The following GPR176 variants were observed in gnomAD, a reference collection of about 807,000 sequenced individuals.
GPR176 encodes G protein-coupled receptor 176.
A neutral mutation model predicts 35.4 loss-of-function variants in GPR176; 26 were observed. The ratio of observed to expected loss-of-function variants is 0.74; its 90% CI spans 0.54 to 1.02. The LOEUF (loss-of-function observed/expected upper bound fraction) is 1.02. Ranked by LOEUF, GPR176 falls within the 50% of genes least tolerant of loss-of-function variation. The probability of loss-of-function intolerance (pLI) is 0.00; values close to 1 mark genes in which losing one functional copy is unlikely to be tolerated. For missense variants in GPR176, 597 were observed against 665.3 expected (o/e 0.90, Z 1.13); for synonymous variants, 278 against 271.3 (o/e 1.02, Z -0.24).
At chr15:39,804,321 T>A (rs1052179745) in intron 2 of GPR176, among the ~76,000 whole-genome samples, 1 of 152,220 alleles carries the variant, frequency 6.6e-6, no homozygotes, top group African/African-American at 2.4e-5. Flanking sequence ...GAGAAAAGAC[T>A]GTCTTCTCTT....
intron 1 of GPR176, among the ~76,000 whole-genome samples, chr15:39,844,003 A>C (rs1368234562): frequency 6.6e-6 from 1 of 152,178 alleles, no homozygotes; most frequent in Non-Finnish European, 1.5e-5. Flanking sequence ...GGCTTTATAA[A>C]GTGTCAAGAG....
chr15:39,845,770 G>A (rs1181201700), intron 1 of GPR176, among the ~76,000 whole-genome samples: 1 of 152,158 alleles, frequency 6.6e-6, no homozygotes, highest in Non-Finnish European at 1.5e-5. Flanking sequence ...GCATAAACGA[G>A]CTTGGTGTTC....
At chr15:39,916,656 A>AG (rs1185330550) in intron 1 of GPR176, among the ~76,000 whole-genome samples, 1 of 152,262 alleles carries the variant, frequency 6.6e-6, no homozygotes, top group East Asian at 1.9e-4. Flanking sequence ...TTGTTTCAAG[A>AG]GAAAAAAATA....
chr15:39,875,986 A>AAT (rs1389533719), intron 1 of GPR176, among the ~76,000 whole-genome samples: 4 of 149,302 alleles, frequency 2.7e-5, no homozygotes, highest in Admixed American at 6.7e-5. Flanking sequence ...ATTTAATTTA[A>AAT]ATATATATAT....
chr15:39,839,923 C>T (rs1244232835), intron 1 of GPR176, among the ~76,000 whole-genome samples: 1 of 152,134 alleles, frequency 6.6e-6, no homozygotes, highest in African/African-American at 2.4e-5. Flanking sequence ...AAATCAAAAC[C>T]ACAATGAGAT....
chr15:39,920,105 G>T lies in GPR176; in HGVS notation c.-79C>A. On this transcript the variant is annotated 5_prime_UTR_variant, in exon 1 of 3. Coordinates refer to ENST00000561100, the MANE Select transcript of GPR176 (RefSeq NM_007223.3). ...AGCCTCTCCTCCTCCGGGTGAGGAG[G>T]GACGCGCGGGCGCCTGGCGGAGTCC... is the stretch of plus-strand genomic sequence containing the variant. 1.0e-6 allele frequency: 1 copy of T among 1,002,462 alleles called. No individual in the cohort carries two copies. Among genetic ancestry groups the T allele is most frequent in the Non-Finnish European group, 1.3e-6 (1 of 765,324 alleles). 62.1% of individuals were successfully genotyped at this position (1,002,462 alleles called of 1,614,324 possible).
chr15:39,826,514 T>C (rs1900663393), intron 1 of GPR176, among the ~76,000 whole-genome samples: 1 of 151,984 alleles, frequency 6.6e-6, no homozygotes, highest in Admixed American at 6.5e-5. Flanking sequence ...GGCTCCTGCA[T>C]GTTGTGCAGT....
chr15:39,807,509 A>G (rs1246349061), intron 1 of GPR176: 5 of 1,431,662 alleles, frequency 3.5e-6, no homozygotes, highest in Non-Finnish European at 4.6e-6. Context: ...TTTTGGGCAA[A>G]ATAGTATTAT....
At chr15:39,859,261 T>A (rs892697071) in intron 1 of GPR176, among the ~76,000 whole-genome samples, 1 of 152,080 alleles carries the variant, frequency 6.6e-6, no homozygotes, top group African/African-American at 2.4e-5. Flanking sequence ...GTAACATGTA[T>A]GTATATATGT....
At chr15:39,829,301 G>GT (rs917290046) in intron 1 of GPR176, 2 of 1,393,934 alleles carry the variant, frequency 1.4e-6, no homozygotes, top group South Asian at 1.5e-5. Context: ...CTTGGTGAGA[G>GT]TAAGAAAGCC....
chr15:39,850,662 T>C (rs2030800064), intron 1 of GPR176, among the ~76,000 whole-genome samples: 1 of 152,150 alleles, frequency 6.6e-6, no homozygotes, highest in African/African-American at 2.4e-5. Context: ...GACCTATCAA[T>C]GTCAATATCC....
chr15:39,809,387 T>G (rs113528549), intron 1 of GPR176, among the ~76,000 whole-genome samples: 1 of 152,298 alleles, frequency 6.6e-6, no homozygotes, highest in African/African-American at 2.4e-5. Context: ...AATGTGTGTG[T>G]GTGTGTGTGC....
At chr15:39,876,709 T>C (rs1236181303) in intron 1 of GPR176, among the ~76,000 whole-genome samples, 2 of 149,456 alleles carry the variant, frequency 1.3e-5, no homozygotes, top group Non-Finnish European at 3.0e-5. Flanking sequence ...ATTAGCTGGG[T>C]GTGTAGTCCC....
At chr15:39,882,033 T>A (rs981287324) in intron 1 of GPR176, among the ~76,000 whole-genome samples, 1 of 152,210 alleles carries the variant, frequency 6.6e-6, no homozygotes, top group African/African-American at 2.4e-5. Context: ...ATGTCCCTAT[T>A]AAACTTCCTG....
At chr15:39,816,256 T>C (rs1201720891) in intron 1 of GPR176, among the ~76,000 whole-genome samples, 3 of 152,180 alleles carry the variant, frequency 2.0e-5, no homozygotes, top group Non-Finnish European at 4.4e-5. Context: ...ATATTTACAA[T>C]TGCTTTAAAA....
At chr15:39,847,742 C>CAAAAAA (rs34896644) in intron 1 of GPR176, among the ~76,000 whole-genome samples, 10 of 68,784 alleles carry the variant, frequency 1.5e-4, no homozygotes, top group African/African-American at 3.1e-4. Context: ...GACTCTGTCT[C>CAAAAAA]AAAAAAAAAA....
At chr15:39,820,073 C>T (rs565977299) in intron 1 of GPR176, among the ~76,000 whole-genome samples, 103 of 152,276 alleles carry the variant, frequency 6.8e-4, no homozygotes, top group African/African-American at 2.3e-3. Flanking sequence ...GGACACTCTC[C>T]CACTACTGAG....
chr15:39,823,011 T>C (rs1281895472), intron 1 of GPR176, among the ~76,000 whole-genome samples: 1 of 152,202 alleles, frequency 6.6e-6, no homozygotes, highest in Non-Finnish European at 1.5e-5. Context: ...AGTTGGACAT[T>C]AGAAACTTCC....
chr15:39,887,617 AG>A (rs750445949), intron 1 of GPR176, among the ~76,000 whole-genome samples: 1 of 139,148 alleles, frequency 7.2e-6, no homozygotes, highest in African/African-American at 2.6e-5. Flanking sequence ...AAAAAAAAAA[AG>A]CTTGTCTCCT....
Sources: gnomAD v4.1 joint callset for allele counts (sites outside exome capture counted in the v4.1 genomes callset) on GRCh38, gnomAD v4.1.1 for gene constraint, MANE v1.5 for transcripts, NCBI Gene and HGNC (gene_info 2026-07-23, HGNC 2026-07-21) for gene names.